NKAIN3: variants seen among roughly 807,000 people sequenced by gnomAD.
NKAIN3 encodes the protein sodium/potassium-transporting ATPase subunit beta-1-interacting protein 3.
In NKAIN3, 25 loss-of-function variants were observed where a neutral mutation model predicts 30.2. The ratio of observed to expected loss-of-function variants is 0.83; its 90% CI spans 0.60 to 1.16. The LOEUF (loss-of-function observed/expected upper bound fraction) is 1.16, where lower values mean the gene tolerates loss of function less well. Among genes scored for constraint, NKAIN3 ranks in the 50% most tolerant of loss-of-function variants. The pLI is 0.00. For synonymous variants in NKAIN3, 91 were observed against 89.6 expected (o/e 1.02, Z -0.09); for missense variants, 225 against 254.1 (o/e 0.89, Z 0.78).
chr8:62,278,891 C>G (rs1181108983), intron 1 of NKAIN3, among the ~76,000 whole-genome samples: 1 of 152,130 alleles, frequency 6.6e-6, no homozygotes, highest in African/African-American at 2.4e-5. Context: ...TGGGTATATG[C>G]CCAGTAATTG....
chr8:62,289,702 C>A (rs1343037710), intron 1 of NKAIN3, among the ~76,000 whole-genome samples: 1 of 152,044 alleles, frequency 6.6e-6, no homozygotes, highest in African/African-American at 2.4e-5. Flanking sequence ...GTTCTTTTGG[C>A]TTAGGATTGT....
chr8:62,881,359 A>G (rs1452349220), intron 4 of NKAIN3, among the ~76,000 whole-genome samples: 3 of 152,194 alleles, frequency 2.0e-5, no homozygotes, highest in Non-Finnish European at 4.4e-5. Flanking sequence ...CCTTTTCCAG[A>G]ATGTTATGTA....
chr8:62,516,022 C>T (rs1457789586), intron 1 of NKAIN3, among the ~76,000 whole-genome samples: 3 of 151,866 alleles, frequency 2.0e-5, no homozygotes, highest in Admixed American at 2.0e-4. Flanking sequence ...CTAAGGTATT[C>T]TCTGTTGAAC....
intron 4 of NKAIN3, among the ~76,000 whole-genome samples, chr8:62,814,166 T>A (rs183726489): frequency 2.0e-5 from 3 of 152,202 alleles, no homozygotes; most frequent in Admixed American, 2.0e-4. Context: ...GCTTCCTATA[T>A]CTGGATCTTC....
chr8:62,610,573 CA>C (rs989854871), intron 3 of NKAIN3, among the ~76,000 whole-genome samples: 1 of 152,032 alleles, frequency 6.6e-6, no homozygotes, highest in Non-Finnish European at 1.5e-5. Context: ...AGTAAAAATG[CA>C]AAAATAATTA....
chr8:62,378,616 G>T (rs969711743), intron 1 of NKAIN3, among the ~76,000 whole-genome samples: 2 of 152,188 alleles, frequency 1.3e-5, no homozygotes, highest in African/African-American at 4.8e-5. Context: ...GTACAGCTCA[G>T]GCTATTGCTT....
intron 3 of NKAIN3, among the ~76,000 whole-genome samples, chr8:62,595,856 T>C (rs1048348452): frequency 2.6e-5 from 4 of 151,994 alleles, no homozygotes; most frequent in Admixed American, 2.0e-4. Context: ...CAGGGGTCTA[T>C]GGTAGCTCTT....
At chr8:62,990,197 C>G in intron 5 of NKAIN3, 1 of 1,533,402 alleles carries the variant, frequency 6.5e-7, no homozygotes, top group Non-Finnish European at 8.9e-7. Context: ...ATGCAAACAT[C>G]TTTTTATCCA....
chr8:62,859,446 G>A (rs555086620), intron 4 of NKAIN3, among the ~76,000 whole-genome samples: 93 of 130,310 alleles, frequency 7.1e-4, no homozygotes, highest in African/African-American at 2.5e-3. Context: ...CTGGGCTCCT[G>A]CACCAGCCAT....
intron 1 of NKAIN3, among the ~76,000 whole-genome samples, chr8:62,551,760 G>A (rs1200530918): frequency 6.6e-6 from 1 of 152,178 alleles, no homozygotes; most frequent in Non-Finnish European, 1.5e-5. Flanking sequence ...GGACTCAGGT[G>A]GGAAATATGC....
chr8:62,555,162 G>C (rs902700685), intron 1 of NKAIN3, among the ~76,000 whole-genome samples: 12 of 55,614 alleles, frequency 2.2e-4, no homozygotes, highest in Admixed American at 8.2e-4. Context: ...TTAAATATAT[G>C]CAATATAAAA....
At chr8:62,611,026 GA>G (rs1811273405) in intron 3 of NKAIN3, among the ~76,000 whole-genome samples, 1 of 151,944 alleles carries the variant, frequency 6.6e-6, no homozygotes, top group Non-Finnish European at 1.5e-5. Flanking sequence ...TTCAGTGGGG[GA>G]AAAAAGCTAA....
At chr8:62,268,934 A>T (rs957227131) in intron 1 of NKAIN3, among the ~76,000 whole-genome samples, 1 of 152,146 alleles carries the variant, frequency 6.6e-6, no homozygotes, top group Non-Finnish European at 1.5e-5. Context: ...AACTCTCTTA[A>T]CATTTCTAAG....
intron 1 of NKAIN3, among the ~76,000 whole-genome samples, chr8:62,448,865 C>T (rs1029768430): frequency 2.6e-5 from 4 of 151,850 alleles, no homozygotes; most frequent in African/African-American, 9.7e-5. Context: ...ATCAGGCTTC[C>T]CAGCTTTTTT....
At chr8:62,879,657 C>T (rs1359489189) in intron 4 of NKAIN3, among the ~76,000 whole-genome samples, 1 of 152,204 alleles carries the variant, frequency 6.6e-6, no homozygotes, top group East Asian at 1.9e-4. Context: ...TTGGCTTGCC[C>T]CTGTGAATAG....
chr8:62,411,179 C>A (rs890655167), intron 1 of NKAIN3, among the ~76,000 whole-genome samples: 14 of 152,170 alleles, frequency 9.2e-5, no homozygotes, highest in Non-Finnish European at 1.5e-4. Context: ...AATCCCGCAA[C>A]ATATCAAAAA....
Position 62,803,317 on chromosome 8 carries a change from T to C in NKAIN3, c.471+56188T>C, listed in dbSNP as rs555635909. Among the ~76,000 whole-genome samples, 980 of 152,214 alleles carry C rather than the reference T, an allele frequency of 6.4e-3. 10 individuals carry two copies. Among genetic ancestry groups the C allele is most frequent in the African/African-American group, 0.022 (919 of 41,520 alleles). On this transcript the variant is annotated intron_variant, in intron 4 of 6. Coordinates refer to ENST00000623646, the MANE Select transcript of NKAIN3 (RefSeq NM_001304533.3). ...CCAAATCAACAGAATATACATTTTT[T>C]TCAGCACCACACCACACCTATTCCA... is the stretch of plus-strand genomic sequence containing the variant.
chr8:62,757,836 G>A (rs1238716600), intron 4 of NKAIN3, among the ~76,000 whole-genome samples: 1 of 152,210 alleles, frequency 6.6e-6, no homozygotes, highest in African/African-American at 2.4e-5. Flanking sequence ...TAATGATGAA[G>A]GGGCTTGAAT....
At chr8:62,923,408 G>A (rs1822339555) in intron 5 of NKAIN3, among the ~76,000 whole-genome samples, 1 of 152,118 alleles carries the variant, frequency 6.6e-6, no homozygotes, top group Non-Finnish European at 1.5e-5. Context: ...GTTTTACAAA[G>A]TCATTTTTAA....
Sources: allele counts gnomAD v4.1 joint callset (sites outside exome capture counted in the v4.1 genomes callset), GRCh38; gene constraint gnomAD v4.1.1; transcripts MANE v1.5; gene names NCBI Gene and HGNC (gene_info 2026-07-23, HGNC 2026-07-21).